GNPTAB: variants seen among roughly 807,000 people sequenced by gnomAD.
GNPTAB encodes N-acetylglucosamine-1-phosphate transferase subunits alpha and beta.
Under a neutral mutation model 136.6 loss-of-function variants are expected in GNPTAB, and 92 were observed. The observed-to-expected ratio is 0.67, with a 90% CI of 0.57 to 0.80. The LOEUF is 0.80. GNPTAB is among the 30% of genes least tolerant of loss of function. The probability of loss-of-function intolerance (pLI) is 0.00; values close to 1 mark genes in which losing one functional copy is unlikely to be tolerated. For synonymous variants in GNPTAB, 512 were observed against 535.1 expected (o/e 0.96, Z 0.60); for missense variants, 1,343 against 1,501.8 (o/e 0.89, Z 1.75).
chr12:101,795,691 T>G (rs1869240049), intron 2 of GNPTAB, among the ~76,000 whole-genome samples: 1 of 151,776 alleles, frequency 6.6e-6, no homozygotes, highest in Non-Finnish European at 1.5e-5. Context: ...AGGCAGAGGT[T>G]GCAGTGAGCC....
Position 101,770,426 on chromosome 12 carries a change from C to G in GNPTAB, c.1093G>C (p.Val365Leu), listed in dbSNP as rs146361341. ...PSWLNLDNPR[V>L]TIVTHQDVFR... Reference sequence around the variant, plus strand: ...TGTACCTGGTGTGTTACTATTGTCACTCGAGGATTGTCAAGGTTCAGCCAG... The same window carrying G: ...TGTACCTGGTGTGTTACTATTGTCAGTCGAGGATTGTCAAGGTTCAGCCAG... Residue 365 changes from valine (V) to leucine (L), a missense_variant, in exon 9 of 21, where the codon GTG becomes CTG. Val to Leu is a conservative substitution (Grantham distance 32). Transcript: ENST00000299314. 45 of 1,613,206 alleles carry G rather than the reference C, an allele frequency of 2.8e-5. No homozygotes were observed. The highest frequency in any genetic ancestry group is 3.8e-5 in the Non-Finnish European group (45 of 1,179,250).
At chr12:101,807,859 C>T (rs1218636472) in intron 1 of GNPTAB, among the ~76,000 whole-genome samples, 1 of 152,096 alleles carries the variant, frequency 6.6e-6, no homozygotes, top group Non-Finnish European at 1.5e-5. Context: ...TGTACTCCAG[C>T]CTGTGCAACG....
chr12:101,788,182 T>G (rs1868775958), intron 4 of GNPTAB, among the ~76,000 whole-genome samples: 1 of 152,176 alleles, frequency 6.6e-6, no homozygotes, highest in African/African-American at 2.4e-5. Context: ...AAGATAAGGA[T>G]GTATATATTG....
intron 1 of GNPTAB, among the ~76,000 whole-genome samples, chr12:101,826,387 C>T (rs1387719691): frequency 6.6e-6 from 1 of 152,184 alleles, no homozygotes; most frequent in Non-Finnish European, 1.5e-5. Context: ...CACATATACA[C>T]ACTGATCTAC....
intron 20 of GNPTAB, among the ~76,000 whole-genome samples, 165 bp from the exon 21 acceptor site, chr12:101,747,406 A>T (rs1328688028): frequency 6.6e-6 from 1 of 152,220 alleles, no homozygotes; most frequent in African/African-American, 2.4e-5. Flanking sequence ...AACAAAAACA[A>T]ATATTAGTTT....
At position 101,765,001 on chromosome 12, in the gene GNPTAB, G is replaced by T; in HGVS notation, c.1916C>A (p.Pro639Gln). ...CTTCTGGGCTGTAGAATTCAGTTTT[G>T]GTCCCTCCCTTGTGTCCACCTCCAC... ...ITVEVDTREG[P>Q]KLNSTAQKGY... The change falls in exon 13 of 21, where the codon CCA (proline) becomes CAA (glutamine). Residue 639 changes from proline to glutamine, a missense_variant. Pro to Gln is a moderately conservative substitution (Grantham distance 76). Transcript: ENST00000299314. 1 of 1,614,090 alleles carries T rather than the reference G, an allele frequency of 6.2e-7. No homozygotes were observed. The highest frequency in any genetic ancestry group is 8.5e-7 in the Non-Finnish European group (1 of 1,179,992).
chr12:101,827,836 G>A (rs895164912), intron 1 of GNPTAB, among the ~76,000 whole-genome samples: 2 of 152,030 alleles, frequency 1.3e-5, no homozygotes, highest in African/African-American at 2.4e-5. Context: ...CGTGATGGCG[G>A]GTGCCTATAA....
intron 1 of GNPTAB, among the ~76,000 whole-genome samples, chr12:101,814,071 T>C: frequency 7.6e-6 from 1 of 132,082 alleles, no homozygotes; most frequent in Admixed American, 7.7e-5. Flanking sequence ...AGAGCGAGAC[T>C]CCATCTCAAA....
chr12:101,765,781 T>C, intron 12 of GNPTAB: 1 of 385,836 alleles, frequency 2.6e-6, no homozygotes, highest in Non-Finnish European at 4.9e-6. Context: ...GAACCATCTT[T>C]ATTTAATGAA....
intron 16 of GNPTAB, 41 bp downstream of exon 16, chr12:101,759,989 T>G: frequency 1.8e-6 from 2 of 1,091,978 alleles, no homozygotes; most frequent in South Asian, 2.5e-5. Flanking sequence ...TTGATAAGGA[T>G]GTACTTTCTG....
intron 5 of GNPTAB, 66 bp from the exon 6 acceptor site, chr12:101,780,687 A>G: frequency 9.5e-7 from 1 of 1,047,522 alleles, no homozygotes; most frequent in Non-Finnish European, 1.5e-6. Flanking sequence ...GTCTGGCAGA[A>G]CACTGTGAAA....
At chr12:101,762,004 A>G (rs553225503) in intron 13 of GNPTAB, among the ~76,000 whole-genome samples, 7 of 152,246 alleles carry the variant, frequency 4.6e-5, no homozygotes, top group African/African-American at 1.2e-4. Flanking sequence ...GGAGATCTAC[A>G]TAACAACAGT....
At chr12:101,751,212 CT>C in intron 19 of GNPTAB, among the ~76,000 whole-genome samples, 1 of 152,252 alleles carries the variant, frequency 6.6e-6, no homozygotes, top group Non-Finnish European at 1.5e-5. Context: ...CATGCCATTT[CT>C]TCTACCAGGA....
chr12:101,830,825 G>T lies in GNPTAB; in HGVS notation c.-150C>A. ...GCCGCTCATTGCAGCTCCGGCGACG[G>T]ACGCCCGCTCGGCTCCGCGCCGCGG... On this transcript the variant is annotated 5_prime_UTR_variant, in exon 1 of 21. Transcript: ENST00000299314. 4.0e-6 allele frequency: 1 copy of T among 247,092 alleles called. No individual in the cohort carries two copies. The allele number at this position is 247,092 out of a possible 1,614,324, so 15.3% of individuals were successfully genotyped here.
chr12:101,813,184 T>G (rs7294980), intron 1 of GNPTAB, among the ~76,000 whole-genome samples: 3 of 151,974 alleles, frequency 2.0e-5, no homozygotes, highest in African/African-American at 7.2e-5. Context: ...GAAGGGAAAC[T>G]AGAGTATGAA....
At position 101,764,477 on chromosome 12, in the gene GNPTAB, C is replaced by T; in HGVS notation, c.2440G>A (p.Ala814Thr). The T allele has an allele frequency of 6.2e-7, 1 of 1,613,788 alleles. No homozygotes were observed. The highest frequency in any genetic ancestry group is 8.5e-7 in the Non-Finnish European group (1 of 1,180,008). Reference protein sequence around the residue: ...QNPPLDLETTARFRVETHTQK... With the variant: ...QNPPLDLETTTRFRVETHTQK... Reference sequence around the variant, plus strand: ...GTGTGAGTTTCCACTCTAAATCTTGCTGTGGTCTCCAAGTCCAGGGGTGGA... The same window carrying T: ...GTGTGAGTTTCCACTCTAAATCTTGTTGTGGTCTCCAAGTCCAGGGGTGGA... Residue 814 changes from alanine (A) to threonine (T), a missense_variant, in exon 13 of 21, where the codon GCA becomes ACA. Ala to Thr is a moderately conservative substitution (Grantham distance 58). Coordinates refer to ENST00000299314, the MANE Select transcript of GNPTAB (RefSeq NM_024312.5).
chr12:101,761,562 AC>A lies in GNPTAB; in HGVS notation c.2915+1del, dbSNP rs1423415250. On this transcript the variant is annotated splice_donor_variant, in intron 14 of 20. Transcript: ENST00000299314. LOFTEE classifies it high-confidence loss of function. Reference sequence around the variant, plus strand: ...AACAACTCAAACACGAGCAAGACTTACATATCTTGCAGTTCTTGCATAACAA... The same window carrying A: ...AACAACTCAAACACGAGCAAGACTTAATATCTTGCAGTTCTTGCATAACAA... 6.2e-7 allele frequency: 1 copy of A among 1,611,688 alleles called. No homozygotes were observed. Among genetic ancestry groups the A allele is most frequent in the African/African-American group, 1.3e-5 (1 of 74,894 alleles).
rs1953057540 is a variant in GNPTAB, at chr12:101,764,639, C to T, written c.2278G>A (p.Asp760Asn). ...NQAIITDETNDSLVAPQEKQV... is the reference protein window; with the variant it reads ...NQAIITDETNNSLVAPQEKQV... ...TTTTCCTGTGGAGCCACCAAACTGT[C>T]ATTTGTTTCATCTGTTATTATAGCT... Residue 760 changes from aspartate to asparagine, a missense_variant, in exon 13 of 21, where the codon GAC (aspartate) becomes AAC (asparagine). Physicochemically the swap from Asp to Asn is conservative, Grantham distance 23 (BLOSUM62 1). Coordinates refer to ENST00000299314, the MANE Select transcript of GNPTAB (RefSeq NM_024312.5). 2 of 1,614,026 alleles carry T rather than the reference C, an allele frequency of 1.2e-6. No homozygotes were observed. The highest frequency in any genetic ancestry group is 1.7e-6 in the Non-Finnish European group (2 of 1,179,978).
Position 101,785,850 on chromosome 12 carries a change from G to A in GNPTAB, c.571+162C>T, listed in dbSNP as rs998038092. On this transcript the variant is annotated intron_variant, in intron 5 of 20. Coordinates refer to ENST00000299314, the MANE Select transcript of GNPTAB (RefSeq NM_024312.5). ...ATATATGCAGCAATCCCTTTTTGAG[G>A]TTAAGGCCAAAATACAATAGCAGCT... is the stretch of plus-strand genomic sequence containing the variant. The A allele has an allele frequency of 7.9e-6, 5 of 629,802 alleles. No individual in the cohort carries two copies. The South Asian group carries it at 9.8e-5, about 12-fold the overall frequency. The allele number at this position is 629,802 out of a possible 1,614,324, so 39.0% of individuals were successfully genotyped here.
Sources: allele counts gnomAD v4.1 joint callset (sites outside exome capture counted in the v4.1 genomes callset), GRCh38; gene constraint gnomAD v4.1.1; transcripts MANE v1.5; gene names NCBI Gene and HGNC (gene_info 2026-07-23, HGNC 2026-07-21).